KSR2: variants seen among roughly 807,000 people sequenced by gnomAD.
KSR2 encodes kinase suppressor of ras 2.
KSR2 carries 25 observed loss-of-function variants against 107.8 expected under a neutral mutation model. The ratio of observed to expected loss-of-function variants is 0.23; its 90% CI spans 0.17 to 0.32. The LOEUF (loss-of-function observed/expected upper bound fraction) is 0.32, where lower values mean the gene tolerates loss of function less well. KSR2 is among the 10% of genes least tolerant of loss of function. The pLI is 1.00. For missense variants in KSR2, 887 were observed against 1,268.9 expected (o/e 0.70, Z 4.57); for synonymous variants, 480 against 507.0 (o/e 0.95, Z 0.71).
At chr12:117,740,514 A>AT (rs1182513245) in intron 4 of KSR2, among the ~76,000 whole-genome samples, 2 of 112,696 alleles carry the variant, frequency 1.8e-5, no homozygotes, top group Non-Finnish European at 4.0e-5. Flanking sequence ...ACATTTATAT[A>AT]ATATATAGTA....
At chr12:117,775,893 G>A (rs752166164) in intron 3 of KSR2, among the ~76,000 whole-genome samples, 6 of 152,090 alleles carry the variant, frequency 3.9e-5, no homozygotes, top group Non-Finnish European at 7.4e-5. Context: ...CTATGAGGAC[G>A]CAAAGGCATA....
chr12:117,678,813 C>A (rs1443001400), intron 4 of KSR2, among the ~76,000 whole-genome samples: 1 of 152,182 alleles, frequency 6.6e-6, no homozygotes, highest in Admixed American at 6.5e-5. Context: ...GATGATGGTC[C>A]TGCTCCCCTT....
intron 10 of KSR2, among the ~76,000 whole-genome samples, chr12:117,539,257 A>C (rs1371511174): frequency 1.3e-5 from 2 of 152,122 alleles, no homozygotes; most frequent in Non-Finnish European, 2.9e-5. Flanking sequence ...CTGGGTTAAG[A>C]CTCAGTATGC....
At chr12:117,588,256 T>A (rs1360475818) in intron 5 of KSR2, among the ~76,000 whole-genome samples, 1 of 152,234 alleles carries the variant, frequency 6.6e-6, no homozygotes, top group Non-Finnish European at 1.5e-5. Context: ...CACTGGAATA[T>A]CTGCTGTGGC....
At chr12:117,860,532 A>T in intron 1 of KSR2, 101 bp from the exon 2 acceptor site, 2 of 1,158,406 alleles carry the variant, frequency 1.7e-6, no homozygotes, top group Non-Finnish European at 2.4e-6. Context: ...AACCCAGCCA[A>T]CTCTATTTTA....
intron 4 of KSR2, among the ~76,000 whole-genome samples, chr12:117,708,576 C>A (rs1261710594): frequency 1.3e-5 from 2 of 152,172 alleles, no homozygotes; most frequent in Non-Finnish European, 2.9e-5. Context: ...GATTCACACC[C>A]CCAGCTGATG....
At chr12:117,652,174 G>T (rs1039198698) in intron 5 of KSR2, among the ~76,000 whole-genome samples, 2 of 152,156 alleles carry the variant, frequency 1.3e-5, no homozygotes, top group Non-Finnish European at 2.9e-5. Context: ...GTGGGAGGGG[G>T]GCGAGGGATG....
At chr12:117,558,411 G>T (rs1436133998) in intron 8 of KSR2, 95 bp downstream of exon 8, 7 of 837,604 alleles carry the variant, frequency 8.4e-6, no homozygotes, top group African/African-American at 1.7e-5. Flanking sequence ...GGATCAAGAG[G>T]TATTCAGAAC....
intron 3 of KSR2, among the ~76,000 whole-genome samples, chr12:117,817,824 G>A (rs1452238624): frequency 6.6e-6 from 1 of 152,128 alleles, no homozygotes; most frequent in Non-Finnish European, 1.5e-5. Flanking sequence ...TTCCAGGCTG[G>A]GCGCGGTGGC....
rs1451885445 is a variant in KSR2 at position 117,578,988 on chromosome 12, T to C, written c.1325+131A>G. ...AACTTACAGGTGCATTTCCAATCTA[T>C]TTCTGAAAAACAAAGCAAACAACTC... On this transcript the variant is annotated intron_variant, in intron 7 of 19. Transcript: ENST00000339824. The C allele has an allele frequency of 8.4e-6, 6 of 712,366 alleles. No individual in the cohort carries two copies. In the African/African-American group the frequency reaches 1.1e-4, roughly 13 times the overall value. The allele number at this position is 712,366 out of a possible 1,614,324, so 44.1% of individuals were successfully genotyped here.
chr12:117,549,904 T>C (rs954029243), intron 9 of KSR2, among the ~76,000 whole-genome samples: 2 of 152,188 alleles, frequency 1.3e-5, no homozygotes, highest in Admixed American at 1.3e-4. Context: ...GACAGACTCA[T>C]TAATACGTAT....
chr12:117,623,630 T>G (rs894145200), intron 5 of KSR2, among the ~76,000 whole-genome samples: 5 of 152,248 alleles, frequency 3.3e-5, no homozygotes, highest in African/African-American at 1.2e-4. Context: ...AGTCTATCAT[T>G]GATGGACATT....
At chr12:117,929,884 TGAGGACA>T (rs1895648491) in intron 1 of KSR2, among the ~76,000 whole-genome samples, 1 of 152,154 alleles carries the variant, frequency 6.6e-6, no homozygotes, top group Non-Finnish European at 1.5e-5. Context: ...TCTTGTTTAA[TGAGGACA>T]GAGTTTCTAA....
chr12:117,609,712 A>G lies in KSR2; in HGVS notation c.1172-27353T>C, dbSNP rs369403040. Among the ~76,000 whole-genome samples the G allele has an allele frequency of 4.6e-5, 7 of 152,294 alleles. No individual in the cohort carries two copies. In the South Asian group the frequency reaches 1.2e-3, roughly 27 times the overall value. ...ATGACAGGGCTCTCAAGGGTCCTTC[A>G]AGGGTGGCACCAGCGATGTTTGGGG... On this transcript the variant is annotated intron_variant, in intron 5 of 19. Transcript: ENST00000339824.
chr12:117,776,981 T>C (rs1361479959), intron 3 of KSR2, among the ~76,000 whole-genome samples: 1 of 151,378 alleles, frequency 6.6e-6, no homozygotes, highest in Non-Finnish European at 1.5e-5. Flanking sequence ...GAGAGATATG[T>C]GGTTAGGTTC....
intron 5 of KSR2, among the ~76,000 whole-genome samples, chr12:117,617,905 C>G (rs1393655096): frequency 6.6e-6 from 1 of 152,062 alleles, no homozygotes; most frequent in Admixed American, 6.6e-5. Flanking sequence ...TCTGGAAAAT[C>G]CCAGAACACA....
At chr12:117,914,183 C>T (rs1426531918) in intron 1 of KSR2, among the ~76,000 whole-genome samples, 1 of 152,128 alleles carries the variant, frequency 6.6e-6, no homozygotes, top group Non-Finnish European at 1.5e-5. Flanking sequence ...AATCCCACTA[C>T]TTTGTGGGGC....
chr12:117,768,438 A>G (rs1001606064), intron 3 of KSR2, among the ~76,000 whole-genome samples: 1 of 151,708 alleles, frequency 6.6e-6, no homozygotes, highest in Non-Finnish European at 1.5e-5. Context: ...GGGACTATAT[A>G]CCTGCCACTC....
chr12:117,684,194 G>A (rs1037803576), intron 4 of KSR2, among the ~76,000 whole-genome samples: 1 of 152,084 alleles, frequency 6.6e-6, no homozygotes, highest in Non-Finnish European at 1.5e-5. Flanking sequence ...CACCCCTCCT[G>A]GTATGGGTTA....
Sources: allele counts gnomAD v4.1 joint callset (sites outside exome capture counted in the v4.1 genomes callset), GRCh38; gene constraint gnomAD v4.1.1; transcripts MANE v1.5; gene names NCBI Gene and HGNC (gene_info 2026-07-23, HGNC 2026-07-21).